Variants in LRIG3 observed in about 807,000 individuals in gnomAD.
LRIG3 encodes leucine rich repeats and immunoglobulin like domains 3, also known as leucine-rich repeats and immunoglobulin-like domains protein 3.
In LRIG3, 76 loss-of-function variants were observed where a neutral mutation model predicts 114.5. That is an observed-to-expected ratio of 0.66 (90% CI 0.55 to 0.80). The LOEUF (loss-of-function observed/expected upper bound fraction) is 0.80. Among genes scored for constraint, LRIG3 ranks in the 30% least tolerant of loss-of-function variants. The pLI, the probability that LRIG3 is intolerant of heterozygous loss-of-function variation, is 0.00. For synonymous variants in LRIG3, 512 were observed against 519.8 expected (o/e 0.98, Z 0.20); for missense variants, 1,239 against 1,382.8 (o/e 0.90, Z 1.65).
chr12:58,888,022 C>A (rs1871333235), intron 7 of LRIG3, 90 bp from the exon 8 acceptor site: 3 of 1,120,306 alleles, frequency 2.7e-6, no homozygotes, highest in Non-Finnish European at 3.8e-6. Context: ...GTATGAGCTA[C>A]ACTAATCCTT....
intron 10 of LRIG3, among the ~76,000 whole-genome samples, chr12:58,885,608 T>C (rs1397325248): frequency 6.6e-6 from 1 of 152,136 alleles, no homozygotes; most frequent in Non-Finnish European, 1.5e-5. Flanking sequence ...CTTTTGTTCT[T>C]AAATACAAAG....
intron 3 of LRIG3, among the ~76,000 whole-genome samples, chr12:58,899,546 GT>G (rs959609931): frequency 2.7e-5 from 4 of 150,880 alleles, no homozygotes; most frequent in Admixed American, 6.6e-5. Flanking sequence ...TCCTTTTACT[GT>G]TTTTTTCATC....
intron 3 of LRIG3, among the ~76,000 whole-genome samples, chr12:58,903,191 T>G (rs1475587704): frequency 2.6e-5 from 4 of 152,184 alleles, no homozygotes; most frequent in Non-Finnish European, 5.9e-5. Context: ...CCACCAACAG[T>G]GTAAAAGTGT....
At chr12:58,897,597 A>C (rs1285983302) in intron 3 of LRIG3, among the ~76,000 whole-genome samples, 2 of 152,174 alleles carry the variant, frequency 1.3e-5, no homozygotes, top group Non-Finnish European at 2.9e-5. Flanking sequence ...ACAACAACAA[A>C]AAATCAATAA....
At chr12:58,880,302 AAAAAAAAAAAAGAAAAAG>A in intron 13 of LRIG3, 4 of 469,348 alleles carry the variant, frequency 8.5e-6, no homozygotes, top group South Asian at 1.9e-5. Context: ...TCCGTCTCAA[AAAAAAAAAAAAGAAAAAG>A]AAAAAAAAAA....
chr12:58,888,076 A>G (rs552752059), intron 7 of LRIG3, 144 bp from the exon 8 acceptor site: 113 of 814,754 alleles, frequency 1.4e-4, no homozygotes, highest in African/African-American at 1.4e-3. Context: ...AATATTTCTA[A>G]TATCAGTAAT....
At chr12:58,894,235 A>C (rs940724548) in intron 3 of LRIG3, among the ~76,000 whole-genome samples, 2 of 152,342 alleles carry the variant, frequency 1.3e-5, no homozygotes, top group East Asian at 1.9e-4. Flanking sequence ...CGGAGCGTGC[A>C]CAGTGCTGTC....
At chr12:58,884,258 C>A (rs1346355517) in intron 10 of LRIG3, among the ~76,000 whole-genome samples, 1 of 152,168 alleles carries the variant, frequency 6.6e-6, no homozygotes, top group Non-Finnish European at 1.5e-5. Context: ...AAAATGAGCA[C>A]ATATTCTGGA....
At chr12:58,890,259 T>C in intron 4 of LRIG3, 120 bp from the exon 5 acceptor site, 1 of 1,093,628 alleles carries the variant, frequency 9.1e-7, no homozygotes, top group East Asian at 2.5e-5. Flanking sequence ...CTTAAAATAA[T>C]TACTTTTTAG....
chr12:58,878,430 T>C (rs1442753097), intron 14 of LRIG3, among the ~76,000 whole-genome samples: 1 of 152,166 alleles, frequency 6.6e-6, no homozygotes, highest in Non-Finnish European at 1.5e-5. Context: ...AGAGGTATGG[T>C]AGGCTGAGAA....
intron 3 of LRIG3, among the ~76,000 whole-genome samples, chr12:58,904,702 A>G (rs181629529): frequency 6.6e-6 from 1 of 152,304 alleles, no homozygotes; most frequent in African/African-American, 2.4e-5. Context: ...CAGGAACAGA[A>G]AAGTTACCCA....
At chr12:58,886,253 C>T (rs936589857) in intron 9 of LRIG3, among the ~76,000 whole-genome samples, 2 of 151,960 alleles carry the variant, frequency 1.3e-5, no homozygotes, top group African/African-American at 4.8e-5. Context: ...TTTCTCCTTC[C>T]TCTCCTTCTC....
chr12:58,903,825 C>A (rs1054220224), intron 3 of LRIG3, among the ~76,000 whole-genome samples: 2 of 152,014 alleles, frequency 1.3e-5, no homozygotes, highest in African/African-American at 4.8e-5. Context: ...AATAGGGAAT[C>A]CTTTCCCCAT....
chr12:58,893,774 G>A (rs1871534794), intron 3 of LRIG3, among the ~76,000 whole-genome samples: 1 of 152,126 alleles, frequency 6.6e-6, no homozygotes, highest in Admixed American at 6.5e-5. Flanking sequence ...TACAAACACT[G>A]GAGTCACTCT....
intron 3 of LRIG3, among the ~76,000 whole-genome samples, chr12:58,907,305 T>C (rs1044917094): frequency 7.2e-5 from 11 of 152,322 alleles, no homozygotes; most frequent in African/African-American, 2.6e-4. Context: ...ACCTTATAGA[T>C]ACAAAAGCCC....
rs373821290 is a variant in LRIG3 at position 58,872,624 on chromosome 12, G to A, written c.3308C>T (p.Thr1103Ile). 2 of 1,614,028 alleles carry A rather than the reference G, an allele frequency of 1.2e-6. No homozygotes were observed. The highest frequency in any genetic ancestry group is 2.2e-5 in the South Asian group (2 of 91,086). ...ATTTGGAGTCCTGTAGTTTTCTAAA[G>A]TCTGTTTAAAGGTACAAATGTGATT... ...EENHICTFKQ[T>I]LENYRTPNFQ... The change falls in exon 19 of 19, where the codon ACT becomes ATT. Residue 1103 changes from threonine to isoleucine, a missense_variant. Thr to Ile is a moderately conservative substitution (Grantham distance 89). Transcript: ENST00000320743.
chr12:58,879,130 C>G (rs1477049213), intron 13 of LRIG3, 25 bp from the exon 14 acceptor site: 10 of 1,589,788 alleles, frequency 6.3e-6, no homozygotes, highest in Non-Finnish European at 7.7e-6. Context: ...ACAATATAGG[C>G]ATTAGCACAG....
At position 58,920,239 on chromosome 12, in the gene LRIG3, G is replaced by A. The variant is rs967945277; in HGVS notation, c.-4C>T. Reference sequence around the variant, plus strand: ...CACGGAGGCTCGGCGCGCTCATCGCGGTCCAGCGGCCTAGGTCTCTACCCG... The same window carrying A: ...CACGGAGGCTCGGCGCGCTCATCGCAGTCCAGCGGCCTAGGTCTCTACCCG... On this transcript the variant is annotated 5_prime_UTR_variant, in exon 1 of 19. Transcript: ENST00000320743. 4.4e-6 allele frequency: 6 copies of A among 1,376,078 alleles called. No individual in the cohort carries two copies. Among genetic ancestry groups the A allele is most frequent in the African/African-American group, 1.5e-5 (1 of 64,842 alleles). 85.2% of individuals were successfully genotyped at this position (1,376,078 alleles called of 1,614,324 possible).
chr12:58,888,287 C>T (rs776894324), intron 7 of LRIG3, 42 bp downstream of exon 7: 2 of 1,594,904 alleles, frequency 1.3e-6, no homozygotes, highest in Admixed American at 1.7e-5. Flanking sequence ...TGGCATGATC[C>T]CTGCTCTCAA....
Sources: gnomAD v4.1 joint callset for allele counts (sites outside exome capture counted in the v4.1 genomes callset) on GRCh38, gnomAD v4.1.1 for gene constraint, MANE v1.5 for transcripts, NCBI Gene and HGNC (gene_info 2026-07-23, HGNC 2026-07-21) for gene names.